CTNND1: variants seen among roughly 807,000 people sequenced by gnomAD.
The protein encoded by CTNND1 is catenin delta 1, also known as catenin delta-1.
A neutral mutation model predicts 112.1 loss-of-function variants in CTNND1; 16 were observed. The observed-to-expected ratio is 0.14, with a 90% confidence interval of 0.10 to 0.22. The LOEUF (loss-of-function observed/expected upper bound fraction) is 0.22, where lower values mean the gene tolerates loss of function less well. Ranked by LOEUF, CTNND1 falls within the 10% of genes least tolerant of loss-of-function variation. The pLI, the probability that CTNND1 is intolerant of heterozygous loss-of-function variation, is 1.00. For synonymous variants in CTNND1, 420 were observed against 446.5 expected (o/e 0.94, Z 0.75); for missense variants, 1,008 against 1,257.0 (o/e 0.80, Z 3.00).
At chr11:57,771,930 C>A (rs1247498055) in intron 1 of CTNND1, among the ~76,000 whole-genome samples, 4 of 150,448 alleles carry the variant, frequency 2.7e-5, no homozygotes, top group African/African-American at 9.8e-5. Flanking sequence ...CAAAATTTTT[C>A]TTTTTCTTTT....
intron 1 of CTNND1, among the ~76,000 whole-genome samples, chr11:57,763,571 T>A (rs1376813755): frequency 1.3e-5 from 2 of 152,198 alleles, no homozygotes; most frequent in African/African-American, 4.8e-5. Flanking sequence ...GCAGGAAATT[T>A]TTGATGTCTG....
At chr11:57,795,031 CA>C (rs966782198) in intron 4 of CTNND1, among the ~76,000 whole-genome samples, 1 of 151,260 alleles carries the variant, frequency 6.6e-6, no homozygotes, top group South Asian at 2.1e-4. Flanking sequence ...CCTGTCTCTA[CA>C]AAAAAAATAA....
chr11:57,791,735 A>C, intron 3 of CTNND1, 62 bp downstream of exon 3: 1 of 1,451,726 alleles, frequency 6.9e-7, no homozygotes, highest in Non-Finnish European at 9.1e-7. Context: ...AGAGGCTATG[A>C]TCCTTTTTGG....
chr11:57,780,047 C>G (rs925820155), intron 1 of CTNND1, among the ~76,000 whole-genome samples: 2 of 131,050 alleles, frequency 1.5e-5, no homozygotes, highest in Non-Finnish European at 3.1e-5. Flanking sequence ...TTAATTGGAA[C>G]TAGAATGACT....
At chr11:57,812,175 T>C (rs2063439491) in intron 17 of CTNND1, among the ~76,000 whole-genome samples, 1 of 152,200 alleles carries the variant, frequency 6.6e-6, no homozygotes, top group African/African-American at 2.4e-5. Context: ...GTAGTCTTCA[T>C]TGCCACTCAC....
At chr11:57,812,028 T>A (rs1182023823) in intron 17 of CTNND1, among the ~76,000 whole-genome samples, 1 of 152,336 alleles carries the variant, frequency 6.6e-6, no homozygotes, top group Middle Eastern at 3.4e-3. Context: ...GCTTTTTCCT[T>A]GATTATTGGT....
Position 57,815,988 on chromosome 11 carries a change from C to T in CTNND1, c.2882C>T (p.Ser961Phe), listed in dbSNP as rs1400165895. ...TTGGATGATGAGGGGGGCCAAGTGT[C>T]TTACCCCTCCATGGTATGTCCTTCA... The part of the protein sequence containing the change: ...LVLDDEGGQV[S>F]YPSMQKI The change falls in exon 20 of 21, where the codon TCT becomes TTT. Residue 961 changes from serine to phenylalanine, a missense_variant. Around this residue, in one of 5 missense-constraint regions of CTNND1, gnomAD observed 106 missense variants for 116.2 expected, o/e 0.91. Transcript: ENST00000399050. 1 of 1,589,152 alleles carries T rather than the reference C, an allele frequency of 6.3e-7. No individual in the cohort carries two copies. Among genetic ancestry groups the T allele is most frequent in the Non-Finnish European group, 8.5e-7 (1 of 1,172,704 alleles).
chr11:57,783,659 AAAAT>A (rs1222586662), intron 1 of CTNND1, among the ~76,000 whole-genome samples: 4 of 147,656 alleles, frequency 2.7e-5, no homozygotes, highest in Non-Finnish European at 4.5e-5. Flanking sequence ...ACTCCATCTC[AAAAT>A]AAAAAAAAAG....
At chr11:57,791,738 C>CT (rs2060769524) in intron 3 of CTNND1, 65 bp downstream of exon 3, 16 of 1,446,918 alleles carry the variant, frequency 1.1e-5, no homozygotes, top group Non-Finnish European at 1.4e-5. Flanking sequence ...GGCTATGATC[C>CT]TTTTTGGGAA....
At position 57,815,884 on chromosome 11, in the gene CTNND1, A is replaced by G. The variant is rs745556397; in HGVS notation, c.2809-31A>G. On this transcript the variant is annotated intron_variant, in intron 19 of 20. Coordinates refer to ENST00000399050, the MANE Select transcript of CTNND1 (RefSeq NM_001085458.2). ...ACACACTCATGAGGTTCCTGTCTCT[A>G]CTCATACTAACAAATTGCATGTGTT... is the stretch of plus-strand genomic sequence containing the variant. The G allele has an allele frequency of 6.4e-6, 10 of 1,574,394 alleles. No homozygotes were observed. The African/African-American group carries it at 1.2e-4, about 19-fold the overall frequency.
chr11:57,791,288 A>C, intron 2 of CTNND1, 97 bp from the exon 3 acceptor site: 1 of 1,106,848 alleles, frequency 9.0e-7, no homozygotes. Context: ...ACTGCAGTAA[A>C]ACCACGAGAG....
intron 17 of CTNND1, 34 bp from the exon 18 acceptor site, chr11:57,814,277 T>C: frequency 6.5e-7 from 1 of 1,544,584 alleles, no homozygotes. Context: ...TGAAGAATTG[T>C]TTTTGACATG....
At chr11:57,795,532 A>G (rs1183227884) in intron 4 of CTNND1, 45 bp from the exon 5 acceptor site, 1 of 1,570,684 alleles carries the variant, frequency 6.4e-7, no homozygotes, top group Non-Finnish European at 8.6e-7. Flanking sequence ...CTTGTTATAC[A>G]TAGCACTTAA....
chr11:57,815,476 A>G lies in CTNND1; in HGVS notation c.2784A>G (p.Pro928=). 1 of 1,612,302 alleles carries G rather than the reference A, an allele frequency of 6.2e-7. No homozygotes were observed. The highest frequency in any genetic ancestry group is 8.5e-7 in the Non-Finnish European group (1 of 1,179,056). The change falls in exon 19 of 21, where the codon CCA becomes CCG. Residue 928 remains proline (P), a synonymous_variant. Coordinates refer to ENST00000399050, the MANE Select transcript of CTNND1 (RefSeq NM_001085458.2). The part of the protein sequence containing the change: ...DRSGDLGDME[P]LKGTTPLMQD... ...CGGGGGATCTAGGCGACATGGAGCC[A>G]TTGAAGGGAACAACACCCTTGATGG... is the stretch of plus-strand genomic sequence containing the variant.
In CTNND1 at chr11:57,796,538, T is replaced by C. The variant is rs777848403; in HGVS notation, c.502T>C (p.Ser168Pro). The change falls in exon 6 of 21, where the codon TCA becomes CCA. Residue 168 changes from serine (S) to proline (P), a missense_variant. By Grantham distance (74) the Ser-to-Pro change is moderately conservative. Coordinates refer to ENST00000399050, the MANE Select transcript of CTNND1 (RefSeq NM_001085458.2). ...MGPDGLPVDA[S>P]SVSNNYIQTL... is the part of the protein sequence containing the mutation. The stretch of plus-strand genomic sequence containing the variant: ...ACCAGACGGGTTGCCTGTGGATGCT[T>C]CATCAGTTTCTAACAACTATATCCA... 6.2e-6 allele frequency: 10 copies of C among 1,613,918 alleles called. No homozygotes were observed. The highest frequency in any genetic ancestry group is 2.2e-5 in the East Asian group (1 of 44,890).
In CTNND1 at chr11:57,802,138, T is replaced by C. The variant is rs2137125869; in HGVS notation, c.1362T>C (p.Pro454=). 11 of 1,614,034 alleles carry C rather than the reference T, an allele frequency of 6.8e-6. No homozygotes were observed. Among genetic ancestry groups the C allele is most frequent in the Non-Finnish European group, 9.3e-6 (11 of 1,179,878 alleles). Residue 454 remains proline, a synonymous_variant, in exon 7 of 21, where the codon CCT becomes CCC. Coordinates refer to ENST00000399050, the MANE Select transcript of CTNND1 (RefSeq NM_001085458.2). ...CCATAAAAAACTGTGATGGTGTGCC[T>C]GCCCTTGTGCGATTGCTTCGAAAGG... ...KIAIKNCDGV[P]ALVRLLRKAR...
chr11:57,815,465 G>A lies in CTNND1; in HGVS notation c.2773G>A (p.Asp925Asn), dbSNP rs1204386527. Reference sequence around the variant, plus strand: ...ACTGGATCGATCGGGGGATCTAGGCGACATGGAGCCATTGAAGGGAACAAC... The same window carrying A: ...ACTGGATCGATCGGGGGATCTAGGCAACATGGAGCCATTGAAGGGAACAAC... ...RTLDRSGDLGDMEPLKGTTPL... is the reference protein window; with the variant it reads ...RTLDRSGDLGNMEPLKGTTPL... Residue 925 changes from aspartate (D) to asparagine (N), a missense_variant, in exon 19 of 21, where the codon GAC (aspartate) becomes AAC (asparagine). Asp to Asn is a conservative substitution (Grantham distance 23, BLOSUM62 1). This residue lies in a region of CTNND1 where 106 missense variants were observed against 116.2 expected (regional missense o/e 0.91). Coordinates refer to ENST00000399050, the MANE Select transcript of CTNND1 (RefSeq NM_001085458.2). The A allele has an allele frequency of 3.1e-6, 5 of 1,612,322 alleles. No individual in the cohort carries two copies. Among genetic ancestry groups the A allele is most frequent in the African/African-American group, 1.3e-5 (1 of 74,782 alleles).
chr11:57,815,270 C>G, intron 18 of CTNND1, 124 bp from the exon 19 acceptor site: 1 of 603,872 alleles, frequency 1.7e-6, no homozygotes. Context: ...ACTTTAATGC[C>G]TTTGTGGAGC....
At position 57,808,069 on chromosome 11, in the gene CTNND1, C is replaced by CTGATGGT. The variant is rs1434009720; in HGVS notation, c.1964-96_1964-95insTGATGGT. 1.5e-6 allele frequency: 2 copies of CTGATGGT among 1,341,660 alleles called. 1 individual carries two copies. The highest frequency in any genetic ancestry group is 2.0e-6 in the Non-Finnish European group (2 of 988,746). 83.1% of individuals were successfully genotyped at this position (1,341,660 alleles called of 1,614,324 possible). On this transcript the variant is annotated intron_variant, in intron 12 of 20. Transcript: ENST00000399050. ...ACCTGATGGTATAGAAGCATAAATC[C>CTGATGGT]ATCAACTGAGAGTACTAAGGCTGGA...
Sources: gnomAD v4.1 joint callset for allele counts (sites outside exome capture counted in the v4.1 genomes callset) on GRCh38, gnomAD v4.1.1 for gene constraint, gnomAD v4.1.1 regional missense constraint, MANE v1.5 for transcripts, NCBI Gene and HGNC (gene_info 2026-07-23, HGNC 2026-07-21) for gene names.